The following GALNTL6 variants were observed in gnomAD, a reference collection of about 807,000 sequenced individuals.
The protein encoded by GALNTL6 is polypeptide N-acetylgalactosaminyltransferase like 6.
In GALNTL6, 46 loss-of-function variants were observed where a neutral mutation model predicts 73.7. That is an observed-to-expected ratio of 0.62 (90% confidence interval 0.49 to 0.80). The LOEUF (loss-of-function observed/expected upper bound fraction) is 0.80, where lower values mean the gene tolerates loss of function less well. GALNTL6 is among the 30% of genes least tolerant of loss of function. GALNTL6 has a pLI of 0.00. For missense variants in GALNTL6, 604 were observed against 755.0 expected (o/e 0.80, Z 2.34); for synonymous variants, 259 against 263.7 (o/e 0.98, Z 0.17).
At chr4:171,962,434 G>C (rs1199590621) in intron 2 of GALNTL6, among the ~76,000 whole-genome samples, 2 of 152,152 alleles carry the variant, frequency 1.3e-5, no homozygotes, top group Non-Finnish European at 2.9e-5. Flanking sequence ...AGATGGCAAT[G>C]AAAGTGACCT....
At chr4:172,103,840 A>G (rs1385986732) in intron 2 of GALNTL6, among the ~76,000 whole-genome samples, 2 of 152,226 alleles carry the variant, frequency 1.3e-5, no homozygotes, top group Non-Finnish European at 2.9e-5. Flanking sequence ...GCCAGTTGGC[A>G]TTAGCCTGAT....
At chr4:172,974,363 CT>C (rs745326606) in intron 10 of GALNTL6, among the ~76,000 whole-genome samples, 3 of 152,124 alleles carry the variant, frequency 2.0e-5, no homozygotes, top group African/African-American at 7.2e-5. Flanking sequence ...TGTTGGAGCA[CT>C]GATTATTAGT....
At chr4:172,282,585 T>A (rs1199756158) in intron 3 of GALNTL6, among the ~76,000 whole-genome samples, 1 of 151,228 alleles carries the variant, frequency 6.6e-6, no homozygotes, top group African/African-American at 2.4e-5. Context: ...CCTTTTAGGA[T>A]GTGGTAAATA....
At chr4:171,828,697 G>A (rs1450205786) in intron 2 of GALNTL6, among the ~76,000 whole-genome samples, 1 of 152,076 alleles carries the variant, frequency 6.6e-6, no homozygotes, top group Non-Finnish European at 1.5e-5. Context: ...TCTGCTTACT[G>A]CAACTTCTTC....
chr4:172,737,595 T>A (rs1037554313), intron 5 of GALNTL6, among the ~76,000 whole-genome samples: 4 of 152,220 alleles, frequency 2.6e-5, no homozygotes, highest in Non-Finnish European at 5.9e-5. Context: ...AACTCACAAA[T>A]TGCCATCTCA....
At chr4:171,960,764 C>T (rs1219504770) in intron 2 of GALNTL6, among the ~76,000 whole-genome samples, 1 of 140,744 alleles carries the variant, frequency 7.1e-6, no homozygotes, top group Non-Finnish European at 1.5e-5. Context: ...AGGTAAATAA[C>T]AAGCACCTCA....
At position 172,916,072 on chromosome 4, in the gene GALNTL6, G is replaced by A. The variant is rs1266045653; in HGVS notation, c.1042-15089G>A. Among the ~76,000 whole-genome samples the A allele has an allele frequency of 2.0e-5, 3 of 152,158 alleles. No individual in the cohort carries two copies. The South Asian group carries it at 6.2e-4, about 32-fold the overall frequency. On this transcript the variant is annotated intron_variant, in intron 8 of 12. Coordinates refer to ENST00000506823, the MANE Select transcript of GALNTL6 (RefSeq NM_001034845.3). ...CACAATCAAGTTGGCTTCATCCCTG[G>A]AATGAAAGGCTGGTTCAACATATGC...
intron 2 of GALNTL6, among the ~76,000 whole-genome samples, chr4:171,868,446 C>T (rs1046787557): frequency 5.3e-5 from 8 of 152,164 alleles, no homozygotes; most frequent in Admixed American, 3.9e-4. Context: ...ACGGCAAAGT[C>T]GTCTCTTCTC....
intron 5 of GALNTL6, among the ~76,000 whole-genome samples, chr4:172,472,316 C>T (rs1403716075): frequency 6.6e-6 from 1 of 152,130 alleles, no homozygotes; most frequent in Admixed American, 6.6e-5. Context: ...TGTTCTGTAT[C>T]CACACTGAAA....
chr4:172,436,147 G>A (rs576498845), intron 5 of GALNTL6, among the ~76,000 whole-genome samples: 3 of 152,122 alleles, frequency 2.0e-5, no homozygotes, highest in Admixed American at 6.6e-5. Flanking sequence ...TTAATAATAC[G>A]TTTAAAATCA....
intron 5 of GALNTL6, among the ~76,000 whole-genome samples, chr4:172,717,087 ATCAATAACCCATT>A (rs1427721226): frequency 2.0e-5 from 3 of 151,408 alleles, no homozygotes; most frequent in African/African-American, 7.3e-5. Context: ...AGTTTTAAAT[ATCAATAACCCATT>A]ATGTGAATAT....
At chr4:172,755,869 T>C (rs1737720831) in intron 5 of GALNTL6, among the ~76,000 whole-genome samples, 1 of 152,226 alleles carries the variant, frequency 6.6e-6, no homozygotes, top group South Asian at 2.1e-4. Context: ...TCATTATATT[T>C]TCCTCAGTAT....
At chr4:172,645,339 T>G (rs1740189369) in intron 5 of GALNTL6, among the ~76,000 whole-genome samples, 1 of 152,058 alleles carries the variant, frequency 6.6e-6, no homozygotes, top group Admixed American at 6.6e-5. Context: ...CCTTTTCCAC[T>G]TAGGACTATG....
At chr4:172,887,417 A>G (rs948367368) in intron 8 of GALNTL6, among the ~76,000 whole-genome samples, 1 of 151,914 alleles carries the variant, frequency 6.6e-6, no homozygotes, top group African/African-American at 2.4e-5. Flanking sequence ...TTCTATTTTT[A>G]TTTCTTTGAG....
intron 2 of GALNTL6, among the ~76,000 whole-genome samples, chr4:171,948,121 A>G (rs1738756790): frequency 6.6e-6 from 1 of 151,806 alleles, no homozygotes; most frequent in Non-Finnish European, 1.5e-5. Context: ...GTTCTGTTTC[A>G]TTTATGAAGG....
intron 10 of GALNTL6, among the ~76,000 whole-genome samples, chr4:172,988,354 G>T (rs895243418): frequency 6.6e-6 from 1 of 152,134 alleles, no homozygotes; most frequent in South Asian, 2.1e-4. Context: ...TAGGGTATCT[G>T]GCAAAAGAAA....
intron 2 of GALNTL6, among the ~76,000 whole-genome samples, chr4:171,966,731 G>A (rs1304855931): frequency 6.6e-6 from 1 of 152,110 alleles, no homozygotes; most frequent in Non-Finnish European, 1.5e-5. Context: ...AAAACAAACA[G>A]AGCTGAACCC....
chr4:172,769,668 G>T (rs1738643012), intron 5 of GALNTL6, among the ~76,000 whole-genome samples: 1 of 152,166 alleles, frequency 6.6e-6, no homozygotes, highest in Non-Finnish European at 1.5e-5. Flanking sequence ...ATCTCCATTT[G>T]CTTTCTGTCT....
intron 2 of GALNTL6, among the ~76,000 whole-genome samples, chr4:171,886,668 CAA>C (rs2110919717): frequency 6.6e-6 from 1 of 152,140 alleles, no homozygotes; most frequent in South Asian, 2.1e-4. Flanking sequence ...TGGTGGCAAT[CAA>C]GAGAAAAGAG....
Sources: allele counts gnomAD v4.1 joint callset (sites outside exome capture counted in the v4.1 genomes callset), GRCh38; gene constraint gnomAD v4.1.1; transcripts MANE v1.5; gene names NCBI Gene and HGNC (gene_info 2026-07-23, HGNC 2026-07-21).